Variants in RHEX observed in about 807,000 individuals in gnomAD.
The protein encoded by RHEX is regulator of hemoglobinization and erythroid cell expansion protein.
A neutral mutation model predicts 20.1 loss-of-function variants in RHEX; 18 were observed. The ratio of observed to expected loss-of-function variants is 0.90; its 90% CI spans 0.62 to 1.33. RHEX has a LOEUF of 1.33. Ranked by LOEUF, RHEX falls within the 40% of genes most tolerant of loss-of-function variation. The pLI is 0.00. For missense variants in RHEX, 192 were observed against 214.3 expected (o/e 0.90, Z 0.65); for synonymous variants, 87 against 77.1 (o/e 1.13, Z -0.67).
At position 206,099,715 on chromosome 1, in the gene RHEX, G is replaced by A; in HGVS notation, c.173G>A (p.Gly58Asp). The A allele has an allele frequency of 6.2e-7, 1 of 1,614,044 alleles. No homozygotes were observed. Among genetic ancestry groups the A allele is most frequent in the Non-Finnish European group, 8.5e-7 (1 of 1,179,928 alleles). The change falls in exon 4 of 6, where the codon GGC becomes GAC. Residue 58 changes from glycine to aspartate, a missense_variant. By Grantham distance (94) the Gly-to-Asp change is moderately conservative. Coordinates refer to ENST00000331555, the MANE Select transcript of RHEX (RefSeq NM_001007544.4). Reference sequence around the variant, plus strand: ...CTCCAGGTTCCCAGGCCCAGCCCTGGCCACCATCATCCACCTGCTGTCAAA... The same window carrying A: ...CTCCAGGTTCCCAGGCCCAGCCCTGACCACCATCATCCACCTGCTGTCAAA... ...ASLQVPRPSPGHHHPPAVKEM... is the reference protein window; with the variant it reads ...ASLQVPRPSPDHHHPPAVKEM...
At chr1:206,076,896 T>G (rs1662645516) in intron 1 of RHEX, among the ~76,000 whole-genome samples, 1 of 152,240 alleles carries the variant, frequency 6.6e-6, no homozygotes, top group Non-Finnish European at 1.5e-5. Context: ...GTATTACATG[T>G]CATCCACGAC....
chr1:206,091,608 A>G (rs1344090497), intron 1 of RHEX, among the ~76,000 whole-genome samples: 3 of 152,232 alleles, frequency 2.0e-5, no homozygotes, highest in African/African-American at 4.8e-5. Context: ...GCTTCCTGAC[A>G]TGATTGGGAT....
At chr1:206,057,982 C>G (rs1662228506) in intron 1 of RHEX, among the ~76,000 whole-genome samples, 1 of 152,268 alleles carries the variant, frequency 6.6e-6, no homozygotes, top group Non-Finnish European at 1.5e-5. Context: ...TCAAAATAGA[C>G]TAGCTCTTGA....
chr1:206,062,575 C>T (rs1270392691), intron 1 of RHEX, among the ~76,000 whole-genome samples: 1 of 152,216 alleles, frequency 6.6e-6, no homozygotes, highest in Non-Finnish European at 1.5e-5. Flanking sequence ...GCATGGCTGA[C>T]TGCCTCGTGT....
intron 1 of RHEX, among the ~76,000 whole-genome samples, chr1:206,085,423 C>A (rs1033361858): frequency 3.3e-5 from 5 of 152,148 alleles, no homozygotes; most frequent in Admixed American, 2.0e-4. Context: ...ATAATTTGAC[C>A]CCTTCTAATT....
At chr1:206,094,534 T>A (rs986227212) in intron 1 of RHEX, among the ~76,000 whole-genome samples, 2 of 152,184 alleles carry the variant, frequency 1.3e-5, no homozygotes, top group Admixed American at 1.3e-4. Flanking sequence ...ATCACTGAGC[T>A]CATGCAAGAA....
intron 1 of RHEX, among the ~76,000 whole-genome samples, chr1:206,089,277 AAGCG>A (rs1662900837): frequency 6.6e-6 from 1 of 152,100 alleles, no homozygotes; most frequent in Non-Finnish European, 1.5e-5. Flanking sequence ...TCCTGGGCTC[AAGCG>A]ATCCTCCCAC....
chr1:206,055,388 G>T (rs1662166815), intron 1 of RHEX, among the ~76,000 whole-genome samples: 1 of 152,200 alleles, frequency 6.6e-6, no homozygotes, highest in Non-Finnish European at 1.5e-5. Flanking sequence ...GACCTTTATT[G>T]GGCACTCTGC....
At chr1:206,094,776 C>T (rs1663032903) in intron 1 of RHEX, among the ~76,000 whole-genome samples, 2 of 152,156 alleles carry the variant, frequency 1.3e-5, no homozygotes, top group South Asian at 2.1e-4. Context: ...CTCAAACTCC[C>T]GGCCTCGGTG....
intron 1 of RHEX, among the ~76,000 whole-genome samples, chr1:206,057,476 C>A (rs924495821): frequency 1.4e-4 from 21 of 152,260 alleles, no homozygotes; most frequent in Admixed American, 5.2e-4. Flanking sequence ...AAAACAGTTA[C>A]ATGGTGGAGT....
At chr1:206,101,229 C>T (rs1553288350) in intron 5 of RHEX, 32 bp downstream of exon 5, 1 of 1,541,628 alleles carries the variant, frequency 6.5e-7, no homozygotes, top group Non-Finnish European at 8.9e-7. Flanking sequence ...CTCAGACGAA[C>T]ATATGCAGTC....
intron 1 of RHEX, among the ~76,000 whole-genome samples, chr1:206,065,742 T>C (rs1662410122): frequency 6.6e-6 from 1 of 152,216 alleles, no homozygotes; most frequent in South Asian, 2.1e-4. Context: ...ACCAGCATGT[T>C]GGGAAGCTGC....
At chr1:206,060,094 C>T (rs1422058465) in intron 1 of RHEX, among the ~76,000 whole-genome samples, 3 of 152,114 alleles carry the variant, frequency 2.0e-5, no homozygotes, top group African/African-American at 4.8e-5. Context: ...TATGAACACA[C>T]GACTTAAAGT....
chr1:206,096,780 G>GTTTTTTTTTTTTTTT (rs1663079198), intron 1 of RHEX, among the ~76,000 whole-genome samples: 1 of 73,128 alleles, frequency 1.4e-5, no homozygotes, highest in African/African-American at 7.7e-5. Flanking sequence ...TTTTTTTTTT[G>GTTTTTTTTTTTTTTT]GTTTTTTTTT....
At position 206,098,148 on chromosome 1, in the gene RHEX, A is replaced by G; in HGVS notation, c.79A>G (p.Thr27Ala). The G allele has an allele frequency of 1.2e-6, 2 of 1,613,672 alleles. No individual in the cohort carries two copies. The highest frequency in any genetic ancestry group is 1.7e-6 in the Non-Finnish European group (2 of 1,179,756). Residue 27 changes from threonine to alanine, a missense_variant, in exon 3 of 6, where the codon ACC (threonine) becomes GCC (alanine). By Grantham distance (58) the Thr-to-Ala change is moderately conservative. Coordinates refer to ENST00000331555, the MANE Select transcript of RHEX (RefSeq NM_001007544.4). ...VSLFLQACFL[T>A]AINYLLSRHM... is the part of the protein sequence containing the mutation. ...CCTCTTCCTGCAGGCCTGCTTCCTC[A>G]CCGCCATCAACTACCTGCTCAGCAG...
At chr1:206,081,180 G>A (rs375307976) in intron 1 of RHEX, among the ~76,000 whole-genome samples, 1 of 152,136 alleles carries the variant, frequency 6.6e-6, no homozygotes, top group Non-Finnish European at 1.5e-5. Flanking sequence ...CATGTAGTAG[G>A]GAGTGGACAC....
chr1:206,102,306 A>G lies in RHEX; in HGVS notation c.*354A>G. The G allele has an allele frequency of 4.3e-6, 1 of 232,506 alleles. No homozygotes were observed. The highest frequency in any genetic ancestry group is 8.5e-6 in the Non-Finnish European group (1 of 117,894). The allele number at this position is 232,506 out of a possible 1,614,324, so 14.4% of individuals were successfully genotyped here. A position where few individuals can be genotyped will look rare whatever the true frequency, so the allele number is the denominator to read the frequency against. On this transcript the variant is annotated 3_prime_UTR_variant, in exon 6 of 6. Transcript: ENST00000331555. Reference sequence around the variant, plus strand: ...AGAGATAGTAGTGAAGTCTCTCCCCAGGGAAAATTTTAAAAAGGTTGAATC... The same window carrying G: ...AGAGATAGTAGTGAAGTCTCTCCCCGGGGAAAATTTTAAAAAGGTTGAATC...
chr1:206,099,870 T>C, intron 4 of RHEX, 72 bp downstream of exon 4: 3 of 1,463,070 alleles, frequency 2.1e-6, no homozygotes, highest in Non-Finnish European at 2.8e-6. Flanking sequence ...AGGACCTCCC[T>C]GCAGCAACCC....
In RHEX at chr1:206,067,964, G is replaced by A. The variant is rs541171866; in HGVS notation, c.-97+14699G>A. The stretch of plus-strand genomic sequence containing the variant: ...ATGGTTCACATCGATAAGAAAATAC[G>A]TACTCCATGGCTCCATTCCACTTAC... On this transcript the variant is annotated intron_variant, in intron 1 of 5. Transcript: ENST00000331555. This position sits in a 1 kb window ranked among gnomAD's most constrained non-coding sequence, Gnocchi z 4.6. Among the ~76,000 whole-genome samples, 198 of 152,282 alleles carry A rather than the reference G, an allele frequency of 1.3e-3. 1 individual carries two copies. Among genetic ancestry groups the A allele is most frequent in the African/African-American group, 4.7e-3 (194 of 41,544 alleles).
Sources: gnomAD v4.1 joint callset for allele counts (sites outside exome capture counted in the v4.1 genomes callset) on GRCh38, gnomAD v4.1.1 for gene constraint, Gnocchi (gnomAD v3.1) non-coding constraint, MANE v1.5 for transcripts, NCBI Gene and HGNC (gene_info 2026-07-23, HGNC 2026-07-21) for gene names.